RGS6: variants seen among roughly 807,000 people sequenced by gnomAD.
The protein encoded by RGS6 is regulator of G protein signaling 6.
In RGS6, 30 loss-of-function variants were observed where a neutral mutation model predicts 78.5. The observed-to-expected ratio is 0.38, with a 90% CI of 0.29 to 0.52. RGS6 has a LOEUF of 0.52. Among genes scored for constraint, RGS6 ranks in the 20% least tolerant of loss-of-function variants. The pLI, the probability that RGS6 is intolerant of heterozygous loss-of-function variation, is 0.85. For synonymous variants in RGS6, 206 were observed against 206.0 expected (o/e 1.00, Z 0.00); for missense variants, 495 against 609.7 (o/e 0.81, Z 1.98).
At chr14:72,337,530 C>T (rs2076259753) in intron 2 of RGS6, among the ~76,000 whole-genome samples, 1 of 152,056 alleles carries the variant, frequency 6.6e-6, no homozygotes, top group African/African-American at 2.4e-5. Context: ...GGGTAGACAG[C>T]AACATCCCCA....
At chr14:72,046,278 C>T (rs1876722540) in intron 2 of RGS6, among the ~76,000 whole-genome samples, 1 of 149,322 alleles carries the variant, frequency 6.7e-6, no homozygotes, top group African/African-American at 2.5e-5. Context: ...TTTAGCATGA[C>T]ACATACACAC....
chr14:72,327,766 G>A (rs1269884736), intron 2 of RGS6, among the ~76,000 whole-genome samples: 1 of 152,160 alleles, frequency 6.6e-6, no homozygotes, highest in Admixed American at 6.5e-5. Context: ...GTTTGTCACT[G>A]GAGATGTTTT....
the RGS6 span, among the ~76,000 whole-genome samples, chr14:71,890,358 C>CAGAGAGAGAGAGAGAGAG: frequency 6.8e-3 from 909 of 133,066 alleles, 6 homozygotes; most frequent in Middle Eastern, 0.03. Context: ...GTGCATAAGA[C>CAGAGAGAGAGAGAGAGAG]AGAGAGAGAG....
At chr14:72,548,114 A>G (rs1038827208) in intron 17 of RGS6, among the ~76,000 whole-genome samples, 40 of 152,264 alleles carry the variant, frequency 2.6e-4, no homozygotes, top group African/African-American at 7.9e-4. Context: ...TCCGCTGGAA[A>G]GGCAGTCTCT....
intron 3 of RGS6, among the ~76,000 whole-genome samples, chr14:72,367,562 A>G (rs1310930688): frequency 1.3e-5 from 2 of 152,206 alleles, no homozygotes; most frequent in Non-Finnish European, 2.9e-5. Context: ...ATGCCCACCT[A>G]GCTCTTCCTT....
At chr14:71,960,658 C>G (rs776166549) in intron 1 of RGS6, among the ~76,000 whole-genome samples, 1 of 152,216 alleles carries the variant, frequency 6.6e-6, no homozygotes, top group Non-Finnish European at 1.5e-5. Flanking sequence ...CAGATAGTTG[C>G]GAATCCCTGT....
At chr14:72,089,448 T>C (rs1263573548) in intron 2 of RGS6, among the ~76,000 whole-genome samples, 1 of 152,252 alleles carries the variant, frequency 6.6e-6, no homozygotes, top group Non-Finnish European at 1.5e-5. Flanking sequence ...TTAACTTTCC[T>C]GTACATTGTG....
chr14:71,992,710 A>T (rs745641618), intron 2 of RGS6, among the ~76,000 whole-genome samples: 1 of 152,238 alleles, frequency 6.6e-6, no homozygotes, highest in Non-Finnish European at 1.5e-5. Flanking sequence ...AGAATAACAC[A>T]TGCATTTTAA....
chr14:72,601,054 A>AGGAGGAGGAGGG, the RGS6 span, among the ~76,000 whole-genome samples: 2 of 143,144 alleles, frequency 1.4e-5, no homozygotes, highest in Non-Finnish European at 3.1e-5. Context: ...AAGGGGGAAG[A>AGGAGGAGGAGGG]GGAGGAGGAG....
At chr14:71,870,436 G>A in the RGS6 span, among the ~76,000 whole-genome samples, 2 of 152,138 alleles carry the variant, frequency 1.3e-5, no homozygotes, top group East Asian at 1.9e-4. Flanking sequence ...ATAGGAGGGT[G>A]TGATTTTGCA....
the RGS6 span, among the ~76,000 whole-genome samples, chr14:72,583,152 G>A: frequency 7.9e-5 from 12 of 152,128 alleles, no homozygotes; most frequent in Non-Finnish European, 1.2e-4. Flanking sequence ...GTCTCAGGCC[G>A]TCAGCCTCAA....
At chr14:71,876,162 C>T in the RGS6 span, among the ~76,000 whole-genome samples, 1 of 152,018 alleles carries the variant, frequency 6.6e-6, no homozygotes, top group African/African-American at 2.4e-5. Context: ...CTATTAGGTC[C>T]ACTTGGTGCA....
intron 3 of RGS6, among the ~76,000 whole-genome samples, chr14:72,390,897 C>T (rs1041448175): frequency 6.6e-6 from 1 of 152,122 alleles, no homozygotes. Flanking sequence ...GATGTAGTGA[C>T]CTGACTCTCG....
At chr14:72,538,384 T>C (rs1232076810) in intron 16 of RGS6, among the ~76,000 whole-genome samples, 1 of 152,198 alleles carries the variant, frequency 6.6e-6, no homozygotes, top group Non-Finnish European at 1.5e-5. Context: ...TTTCTAATAT[T>C]TTCCAAATAA....
intron 2 of RGS6, among the ~76,000 whole-genome samples, chr14:72,310,556 T>C (rs1022679906): frequency 6.6e-6 from 1 of 152,210 alleles, no homozygotes; most frequent in Admixed American, 6.5e-5. Flanking sequence ...AAGAAACTGA[T>C]TCTCTCCATT....
chr14:72,211,986 G>A (rs1021346933), intron 2 of RGS6, among the ~76,000 whole-genome samples: 7 of 152,194 alleles, frequency 4.6e-5, no homozygotes, highest in African/African-American at 1.7e-4. Flanking sequence ...GATGTAGTCA[G>A]GAAGTTAGGT....
chr14:72,427,120 A>G (rs1358789989), intron 3 of RGS6, among the ~76,000 whole-genome samples: 1 of 152,216 alleles, frequency 6.6e-6, no homozygotes, highest in African/African-American at 2.4e-5. Context: ...TGTAGGTTCA[A>G]GGTTTACTTT....
At chr14:72,506,634 A>AT (rs2096803815) in intron 13 of RGS6, among the ~76,000 whole-genome samples, 1 of 152,182 alleles carries the variant, frequency 6.6e-6, no homozygotes, top group African/African-American at 2.4e-5. Context: ...TAAGGAAGAA[A>AT]TGTGGATCAT....
At chr14:71,996,871 G>A (rs1370841737) in intron 2 of RGS6, among the ~76,000 whole-genome samples, 1 of 152,150 alleles carries the variant, frequency 6.6e-6, no homozygotes, top group Non-Finnish European at 1.5e-5. Context: ...GACAAGGACT[G>A]CAGTTCTGGG....
Sources: allele counts gnomAD v4.1 joint callset (sites outside exome capture counted in the v4.1 genomes callset), GRCh38; gene constraint gnomAD v4.1.1; transcripts MANE v1.5; gene names NCBI Gene and HGNC (gene_info 2026-07-23, HGNC 2026-07-21).